The following OSBP2 variants were observed in gnomAD, a reference collection of about 807,000 sequenced individuals.
OSBP2 encodes the protein oxysterol binding protein 2, also known as oxysterol-binding protein 2.
A neutral mutation model predicts 96.0 loss-of-function variants in OSBP2; 66 were observed. The ratio of observed to expected loss-of-function variants is 0.69; its 90% CI spans 0.56 to 0.84. OSBP2 has a LOEUF of 0.84. Ranked by LOEUF, OSBP2 falls within the 40% of genes least tolerant of loss-of-function variation. The pLI is 0.00. For synonymous variants in OSBP2, 525 were observed against 520.9 expected (o/e 1.01, Z -0.11); for missense variants, 1,038 against 1,222.7 (o/e 0.85, Z 2.25).
intron 3 of OSBP2, among the ~76,000 whole-genome samples, chr22:30,877,434 T>G (rs539169783): frequency 6.6e-6 from 1 of 152,130 alleles, no homozygotes; most frequent in Non-Finnish European, 1.5e-5. Flanking sequence ...GGTGGGGACA[T>G]TCTCCCTCAT....
chr22:30,748,617 G>T (rs1460524315), intron 2 of OSBP2, among the ~76,000 whole-genome samples: 2 of 152,170 alleles, frequency 1.3e-5, no homozygotes, highest in Non-Finnish European at 2.9e-5. Flanking sequence ...GAAGAAGACT[G>T]TGGTGTTGCG....
chr22:30,776,875 G>A (rs937640407), intron 2 of OSBP2, among the ~76,000 whole-genome samples: 3 of 152,182 alleles, frequency 2.0e-5, no homozygotes, highest in African/African-American at 4.8e-5. Flanking sequence ...TTGCATCAGC[G>A]TGACCTGGAT....
chr22:30,827,731 A>T (rs941872758), intron 2 of OSBP2, among the ~76,000 whole-genome samples: 1 of 152,144 alleles, frequency 6.6e-6, no homozygotes, highest in Non-Finnish European at 1.5e-5. Flanking sequence ...GACCTAGGGG[A>T]GACATGGAAG....
rs755547940 is a variant in OSBP2, at chr22:30,870,590, G to A, written c.1015G>A (p.Gly339Ser). The A allele has an allele frequency of 1.1e-5, 17 of 1,613,856 alleles. No individual in the cohort carries two copies. The highest frequency in any genetic ancestry group is 8.8e-5 in the South Asian group (8 of 91,080). ...CCAGCGCTCCCTGACAGAGCTGGACGGCCTCAAGATCCCATCTGAGAGTGG... is the reference window on the plus strand; with the variant it reads ...CCAGCGCTCCCTGACAGAGCTGGACAGCCTCAAGATCCCATCTGAGAGTGG... ...ALQRSLTELD[G>S]LKIPSESGEK... Residue 339 changes from glycine (G) to serine (S), a missense_variant, in exon 3 of 14, where the codon GGC (glycine) becomes AGC (serine). Around this residue, in one of 3 missense-constraint regions of OSBP2, gnomAD observed 737 missense variants for 913.3 expected, o/e 0.81. Transcript: ENST00000332585. This position sits in a 1 kb window ranked among gnomAD's most constrained non-coding sequence, Gnocchi z 4.1.
chr22:30,730,754 CTCTCTCTCTCTCTCTCTCTCTA>C lies in OSBP2; in HGVS notation c.645-10405_645-10384del, dbSNP rs1569100236. 3.1e-4 allele frequency among the ~76,000 whole-genome samples: 14 copies of C among 45,146 alleles called. No homozygotes were observed. In the South Asian group the frequency reaches 7.3e-3, roughly 24 times the overall value. The allele number at this position is 45,146 out of a possible 152,430, so 29.6% of individuals were successfully genotyped here. On this transcript the variant is annotated intron_variant, in intron 1 of 13. Transcript: ENST00000332585. ...TCTCTCTCTCTCTCTCTCTCTCTCT[CTCTCTCTCTCTCTCTCTCTCTA>C]TATATATATATATATATATATATAT...
At chr22:30,699,806 C>T (rs1289201838) in intron 1 of OSBP2, among the ~76,000 whole-genome samples, 1 of 152,056 alleles carries the variant, frequency 6.6e-6, no homozygotes, top group Non-Finnish European at 1.5e-5. Flanking sequence ...AATAGTTGGG[C>T]TTAATAACAT....
Position 30,813,386 on chromosome 22 carries a change from C to T in OSBP2, c.854-57043C>T, listed in dbSNP as rs2091037610. Reference sequence around the variant, plus strand: ...ATGAGCTTTCACCATGTTGGCCAGGCTGGTCTCGAACTCCTGGCCTCAAGT... The same window carrying T: ...ATGAGCTTTCACCATGTTGGCCAGGTTGGTCTCGAACTCCTGGCCTCAAGT... On this transcript the variant is annotated intron_variant, in intron 2 of 13. Transcript: ENST00000332585. Among the ~76,000 whole-genome samples, 3 of 151,888 alleles carry T rather than the reference C, an allele frequency of 2.0e-5. No individual in the cohort carries two copies. The South Asian group carries it at 6.2e-4, about 32-fold the overall frequency.
At chr22:30,745,804 A>G (rs1004331761) in intron 2 of OSBP2, among the ~76,000 whole-genome samples, 8 of 152,268 alleles carry the variant, frequency 5.3e-5, no homozygotes, top group Middle Eastern at 3.4e-3. Context: ...TAGCTAGACT[A>G]AGAAAAAAAG....
intron 3 of OSBP2, among the ~76,000 whole-genome samples, chr22:30,875,471 C>G (rs1412457968): frequency 1.3e-5 from 2 of 151,936 alleles, no homozygotes; most frequent in East Asian, 1.9e-4. Context: ...CTCCCAGGTT[C>G]AAGCTATTCT....
chr22:30,714,658 C>G (rs1387264272), intron 1 of OSBP2, among the ~76,000 whole-genome samples: 3 of 152,150 alleles, frequency 2.0e-5, no homozygotes, highest in Non-Finnish European at 4.4e-5. Context: ...TCACTCTTGC[C>G]CAGGCTGGAG....
chr22:30,768,697 CA>C (rs1021490177), intron 2 of OSBP2, among the ~76,000 whole-genome samples: 2 of 151,610 alleles, frequency 1.3e-5, no homozygotes, highest in African/African-American at 2.4e-5. Context: ...AAAACAAAAA[CA>C]AAAACCAAGA....
At position 30,894,004 on chromosome 22, in the gene OSBP2, G is replaced by A; in HGVS notation, c.2375+3G>A. On this transcript the variant is annotated splice_donor_region_variant and intron_variant, in intron 12 of 13. Transcript: ENST00000332585. ...CTGTGGAAGAAGTACCCGCTGCCGT[G>A]AGTAGGGCTGGCAGGGGCCCCGCCA... The A allele has an allele frequency of 6.3e-7, 1 of 1,585,644 alleles. No individual in the cohort carries two copies.
At chr22:30,889,297 C>A in intron 6 of OSBP2, 63 bp downstream of exon 6, 1 of 1,520,348 alleles carries the variant, frequency 6.6e-7, no homozygotes, top group Admixed American at 1.8e-5. Flanking sequence ...GTGGGAGGGA[C>A]AGGCCAGCAC....
At chr22:30,747,479 C>A (rs1027376384) in intron 2 of OSBP2, among the ~76,000 whole-genome samples, 1 of 151,758 alleles carries the variant, frequency 6.6e-6, no homozygotes, top group Non-Finnish European at 1.5e-5. Context: ...ATGCCTTGTC[C>A]CCAAAAATAA....
At chr22:30,806,675 C>T (rs1490617924) in intron 2 of OSBP2, among the ~76,000 whole-genome samples, 1 of 152,136 alleles carries the variant, frequency 6.6e-6, no homozygotes, top group Non-Finnish European at 1.5e-5. Context: ...ATGGACTGCT[C>T]CTCAGTGCCT....
chr22:30,768,414 T>A (rs1214035740), intron 2 of OSBP2, among the ~76,000 whole-genome samples: 2 of 152,104 alleles, frequency 1.3e-5, no homozygotes, highest in Non-Finnish European at 2.9e-5. Flanking sequence ...TGGTGGCTCA[T>A]ACCTATAATC....
At chr22:30,738,560 CTT>C in intron 1 of OSBP2, among the ~76,000 whole-genome samples, 1 of 145,462 alleles carries the variant, frequency 6.9e-6, no homozygotes, top group African/African-American at 2.5e-5. Flanking sequence ...AGACAAATGT[CTT>C]TTTTTTTTTT....
chr22:30,699,025 T>C (rs62235880), intron 1 of OSBP2, among the ~76,000 whole-genome samples: 2,626 of 152,226 alleles, frequency 0.017, 42 homozygotes, highest in Non-Finnish European at 0.029. Flanking sequence ...TACTACACCC[T>C]CCCACTCCCA....
chr22:30,824,366 G>A (rs932937460), intron 2 of OSBP2, among the ~76,000 whole-genome samples: 1 of 152,310 alleles, frequency 6.6e-6, no homozygotes, highest in East Asian at 1.9e-4. Flanking sequence ...GCAGTCAAGA[G>A]CAGCCAGAAC....
Sources: allele counts gnomAD v4.1 joint callset (sites outside exome capture counted in the v4.1 genomes callset), GRCh38; gene constraint gnomAD v4.1.1; regional missense constraint gnomAD v4.1.1; non-coding constraint Gnocchi (gnomAD v3.1); transcripts MANE v1.5; gene names NCBI Gene and HGNC (gene_info 2026-07-23, HGNC 2026-07-21).